DLC1: variants seen among roughly 807,000 people sequenced by gnomAD.
DLC1 encodes rho GTPase-activating protein 7.
DLC1 carries 54 observed loss-of-function variants against 140.3 expected under a neutral mutation model. The ratio of observed to expected loss-of-function variants is 0.38; its 90% confidence interval spans 0.31 to 0.48. DLC1 has a LOEUF of 0.48. DLC1 is among the 20% of genes least tolerant of loss of function. The probability of loss-of-function intolerance (pLI) is 0.96; values close to 1 mark genes in which losing one functional copy is unlikely to be tolerated. For synonymous variants in DLC1, 986 were observed against 728.1 expected (o/e 1.35, Z -5.70); for missense variants, 2,536 against 1,907.0 (o/e 1.33, Z -6.14).
At chr8:13,416,846 T>A (rs1424914529) in intron 2 of DLC1, among the ~76,000 whole-genome samples, 1 of 152,184 alleles carries the variant, frequency 6.6e-6, no homozygotes, top group African/African-American at 2.4e-5. Flanking sequence ...CCCAGGTGAT[T>A]TTGATAAAGG....
chr8:13,585,997 A>T (rs1226270753), intron 1 of DLC1, among the ~76,000 whole-genome samples: 4 of 152,202 alleles, frequency 2.6e-5, no homozygotes, highest in Non-Finnish European at 5.9e-5. Flanking sequence ...AAATCATTGT[A>T]GAGTTATAGC....
intron 2 of DLC1, among the ~76,000 whole-genome samples, chr8:13,468,467 A>C (rs1800052286): frequency 6.7e-6 from 1 of 150,186 alleles, no homozygotes; most frequent in Non-Finnish European, 1.5e-5. Flanking sequence ...TGTGGCCTTG[A>C]ACACCTGGTC....
intron 2 of DLC1, among the ~76,000 whole-genome samples, chr8:13,487,601 T>C (rs1479654005): frequency 6.7e-6 from 1 of 148,862 alleles, no homozygotes; most frequent in African/African-American, 2.5e-5. Flanking sequence ...TGAAACGGAG[T>C]CTCACTCTGT....
chr8:13,355,255 G>A (rs1834879161), intron 4 of DLC1, among the ~76,000 whole-genome samples: 1 of 152,114 alleles, frequency 6.6e-6, no homozygotes, highest in African/African-American at 2.4e-5. Flanking sequence ...GGGGGCTAAG[G>A]CAGGTGGCTC....
At chr8:13,115,463 AT>A (rs55809507) in intron 6 of DLC1, 122 bp downstream of exon 6, 17 of 941,138 alleles carry the variant, frequency 1.8e-5, no homozygotes, top group Admixed American at 3.3e-5. Context: ...TGCTTACAAC[AT>A]TTTTTTTAAA....
At position 13,566,865 on chromosome 8, in the gene DLC1, C is replaced by T. The variant is rs1804451086; in HGVS notation, c.-126+37672G>A. ...GCCAAGACAGCTGGGAAGGCGTCTC[C>T]CGGAAGACGACCTCCGCAGAGCTGA... On this transcript the variant is annotated intron_variant, in intron 1 of 1. Transcript: ENST00000631382. 4 of 1,264,140 alleles carry T rather than the reference C, an allele frequency of 3.2e-6. No homozygotes were observed. The South Asian group carries it at 7.3e-5, about 23-fold the overall frequency. 78.3% of individuals were successfully genotyped at this position (1,264,140 alleles called of 1,614,324 possible).
intron 2 of DLC1, among the ~76,000 whole-genome samples, chr8:13,485,496 C>A (rs1394637649): frequency 1.3e-5 from 2 of 152,202 alleles, no homozygotes; most frequent in Non-Finnish European, 2.9e-5. Context: ...TAGCTTGGCA[C>A]TGCACAGCCA....
chr8:13,217,698 C>T (rs1057052127), intron 5 of DLC1, among the ~76,000 whole-genome samples: 14 of 151,934 alleles, frequency 9.2e-5, no homozygotes, highest in African/African-American at 1.7e-4. Flanking sequence ...ATTAGCCGGG[C>T]GTGGTGGTGG....
At chr8:13,091,127 C>A (rs1328448535) in intron 14 of DLC1, among the ~76,000 whole-genome samples, 191 bp downstream of exon 14, 2 of 152,014 alleles carry the variant, frequency 1.3e-5, no homozygotes, top group Non-Finnish European at 2.9e-5. Flanking sequence ...AGTAAAGGGA[C>A]AATTTCATTA....
chr8:13,466,134 C>G (rs1799925211), intron 2 of DLC1, among the ~76,000 whole-genome samples: 1 of 152,282 alleles, frequency 6.6e-6, no homozygotes, highest in East Asian at 1.9e-4. Context: ...GAGCTCACAC[C>G]TGCTTGTTCT....
intron 2 of DLC1, among the ~76,000 whole-genome samples, chr8:13,476,145 T>C (rs546630655): frequency 6.6e-6 from 1 of 152,326 alleles, no homozygotes; most frequent in South Asian, 2.1e-4. Flanking sequence ...GTGCTTTAGA[T>C]AGAATAAATA....
chr8:13,160,631 T>C (rs1289750652), intron 5 of DLC1, among the ~76,000 whole-genome samples: 1 of 152,232 alleles, frequency 6.6e-6, no homozygotes, highest in Non-Finnish European at 1.5e-5. Context: ...ACCACCAGAA[T>C]GATTTGGCTT....
At chr8:13,232,203 G>A (rs1829078151) in intron 5 of DLC1, among the ~76,000 whole-genome samples, 1 of 152,148 alleles carries the variant, frequency 6.6e-6, no homozygotes, top group African/African-American at 2.4e-5. Context: ...ATAGACAGCT[G>A]TCTACCAGTG....
chr8:13,140,534 C>G (rs1563674247), intron 5 of DLC1, among the ~76,000 whole-genome samples: 1 of 146,128 alleles, frequency 6.8e-6, no homozygotes, highest in Admixed American at 6.9e-5. Flanking sequence ...GCCTGGCCAA[C>G]TTTTTTTTTT....
chr8:13,229,124 T>C (rs1202332924), intron 5 of DLC1, among the ~76,000 whole-genome samples: 4 of 152,136 alleles, frequency 2.6e-5, no homozygotes, highest in South Asian at 4.1e-4. Context: ...CAACAGTCCA[T>C]ACCCAAACGT....
chr8:13,150,365 G>C (rs758492501), intron 5 of DLC1, among the ~76,000 whole-genome samples: 6 of 152,116 alleles, frequency 3.9e-5, no homozygotes, highest in Non-Finnish European at 5.9e-5. Flanking sequence ...ACAGTGATTG[G>C]GAGATGGTAA....
At chr8:13,322,038 A>T (rs996793045) in intron 4 of DLC1, among the ~76,000 whole-genome samples, 9 of 152,182 alleles carry the variant, frequency 5.9e-5, no homozygotes, top group African/African-American at 2.2e-4. Context: ...ATTGAAGTAG[A>T]CCTGAAAAAT....
intron 2 of DLC1, among the ~76,000 whole-genome samples, chr8:13,435,673 G>C (rs1839087526): frequency 6.6e-6 from 1 of 152,174 alleles, no homozygotes; most frequent in African/African-American, 2.4e-5. Flanking sequence ...ATCTACTCCT[G>C]ATGAAGATAC....
At chr8:13,475,179 T>C (rs1307109103) in intron 2 of DLC1, among the ~76,000 whole-genome samples, 1 of 152,184 alleles carries the variant, frequency 6.6e-6, no homozygotes, top group East Asian at 1.9e-4. Context: ...AGAAAATAAG[T>C]TTCTAAATAT....
Sources: allele counts gnomAD v4.1 joint callset (sites outside exome capture counted in the v4.1 genomes callset), GRCh38; gene constraint gnomAD v4.1.1; transcripts MANE v1.5; gene names NCBI Gene and HGNC (gene_info 2026-07-23, HGNC 2026-07-21).